The following ELAVL4 variants were observed in gnomAD, a reference collection of about 807,000 sequenced individuals.
ELAVL4 encodes ELAV like RNA binding protein 4, also known as ELAV-like protein 4.
ELAVL4 carries 1 observed loss-of-function variant against 35.6 expected under a neutral mutation model. The ratio of observed to expected loss-of-function variants is 0.03; its 90% confidence interval spans 0.01 to 0.13. The LOEUF (loss-of-function observed/expected upper bound fraction) is 0.13. ELAVL4 is among the 10% of genes least tolerant of loss of function. The pLI, the probability that ELAVL4 is intolerant of heterozygous loss-of-function variation, is 1.00. For synonymous variants in ELAVL4, 156 were observed against 171.0 expected, an observed-to-expected ratio of 0.91 and a Z score of 0.69; for missense variants, 267 against 464.9, an observed-to-expected ratio of 0.57 and a Z score of 3.91.
At chr1:50,124,742 C>A (rs576724355) in intron 1 of ELAVL4, among the ~76,000 whole-genome samples, 1 of 152,224 alleles carries the variant, frequency 6.6e-6, no homozygotes, top group African/African-American at 2.4e-5. Context: ...TTGATCAAGA[C>A]TACCTGGATT....
chr1:50,117,604 C>T lies in ELAVL4; in HGVS notation c.9+8406C>T, dbSNP rs151109420. On this transcript the variant is annotated intron_variant, in intron 1 of 6. Transcript: ENST00000371824. Reference sequence around the variant, plus strand: ...TAAATGGTGATGACAATATCTAACTCACAGGGTTTCTGCAAGAATCAGATG... The same window carrying T: ...TAAATGGTGATGACAATATCTAACTTACAGGGTTTCTGCAAGAATCAGATG... Among the ~76,000 whole-genome samples, 3 of 152,256 alleles carry T rather than the reference C, an allele frequency of 2.0e-5. No individual in the cohort carries two copies. In the East Asian group the frequency reaches 5.8e-4, roughly 29 times the overall value.
rs762561146 is a variant in ELAVL4 at position 50,127,045 on chromosome 1, T to TA, written c.9+17856dup. ...AGAGCAGGAAGAGTAAGAGAACGCT[T>TA]AAAAAAAAAGCATTTTAAAATAAAG... On this transcript the variant is annotated intron_variant, in intron 1 of 6. Transcript: ENST00000371824. Among the ~76,000 whole-genome samples, 772 of 150,992 alleles carry TA rather than the reference T, an allele frequency of 5.1e-3. 6 individuals are homozygous for TA. Among genetic ancestry groups the TA allele is most frequent in the Admixed American group, 0.014 (215 of 15,102 alleles).
At chr1:50,062,153 G>A (rs1430791743) in intron 1 of ELAVL4, among the ~76,000 whole-genome samples, 1 of 152,124 alleles carries the variant, frequency 6.6e-6, no homozygotes, top group Non-Finnish European at 1.5e-5. Context: ...AACTTGGCTG[G>A]ATGCTAGAAG....
chr1:50,202,690 T>C lies in ELAVL4; in HGVS notation c.*1512T>C, dbSNP rs932553291. The C allele has an allele frequency of 3.3e-5, 5 of 152,010 alleles. No homozygotes were observed. Among genetic ancestry groups the C allele is most frequent in the African/African-American group, 1.2e-4 (5 of 41,444 alleles). The allele number at this position is 152,010 out of a possible 1,614,324, so 9.4% of individuals were successfully genotyped here. A position where few individuals can be genotyped will look rare whatever the true frequency, so the allele number is the denominator to read the frequency against. ...CAATATAAATATATATATATAAAGT[T>C]ATTTTTTCTTTGGGTTAATTTATTA... On this transcript the variant is annotated 3_prime_UTR_variant, in exon 7 of 7. Coordinates refer to ENST00000371824, the MANE Select transcript of ELAVL4 (RefSeq NM_001144774.3).
At chr1:50,159,632 G>A (rs1371602427) in intron 2 of ELAVL4, among the ~76,000 whole-genome samples, 1 of 151,866 alleles carries the variant, frequency 6.6e-6, no homozygotes, top group Non-Finnish European at 1.5e-5. Flanking sequence ...AAAATGGGGG[G>A]CTCTTTTTAT....
At chr1:50,091,810 G>A (rs1283022296) in intron 1 of ELAVL4, among the ~76,000 whole-genome samples, 1 of 152,220 alleles carries the variant, frequency 6.6e-6, no homozygotes, top group African/African-American at 2.4e-5. Context: ...AGCCATTGTA[G>A]TGTGAGGTAG....
rs114429849 is a variant in ELAVL4, at chr1:50,157,652, A to G, written c.250+12455A>G. ...ATGATTTTTCCTCCATGCATTGGGA[A>G]AATTGGTTAGCAGAGTTCATAAGAA... is the stretch of plus-strand genomic sequence containing the variant. On this transcript the variant is annotated intron_variant, in intron 2 of 6. Transcript: ENST00000371824. Among the ~76,000 whole-genome samples, 895 of 152,332 alleles carry G rather than the reference A, an allele frequency of 5.9e-3. 8 individuals carry two copies. The highest frequency in any genetic ancestry group is 0.02 in the Middle Eastern group (6 of 294).
chr1:50,118,451 C>G (rs1668323514), intron 1 of ELAVL4, among the ~76,000 whole-genome samples: 2 of 151,264 alleles, frequency 1.3e-5, no homozygotes, highest in South Asian at 4.2e-4. Context: ...TGCAGGATGT[C>G]AGCAGAATGC....
At chr1:50,133,406 T>C (rs1671192516) in intron 1 of ELAVL4, among the ~76,000 whole-genome samples, 4 of 152,074 alleles carry the variant, frequency 2.6e-5, no homozygotes, top group Admixed American at 6.6e-5. Flanking sequence ...CTCACCAACA[T>C]TGATTTGGTG....
At position 50,203,653 on chromosome 1, in the gene ELAVL4, T is replaced by G. The variant is rs965378084; in HGVS notation, c.*2475T>G. ...TTAATGAATGACTTCATGTTAATCT[T>G]GCTAGTTTAGATGATTTCCAAGGGA... is the stretch of plus-strand genomic sequence containing the variant. On this transcript the variant is annotated 3_prime_UTR_variant, in exon 7 of 7. Transcript: ENST00000371824. 6.6e-6 allele frequency: 1 copy of G among 152,208 alleles called. No individual in the cohort carries two copies. Among genetic ancestry groups the G allele is most frequent in the Non-Finnish European group, 1.5e-5 (1 of 68,024 alleles). 9.4% of individuals were successfully genotyped at this position (152,208 alleles called of 1,614,324 possible).
intron 1 of ELAVL4, among the ~76,000 whole-genome samples, chr1:50,141,036 G>T (rs1052912520): frequency 6.6e-6 from 1 of 152,158 alleles, no homozygotes; most frequent in African/African-American, 2.4e-5. Flanking sequence ...CTGATGCGGG[G>T]ACTGAAATTA....
At chr1:50,168,207 C>T (rs1162656635) in intron 2 of ELAVL4, among the ~76,000 whole-genome samples, 1 of 152,136 alleles carries the variant, frequency 6.6e-6, no homozygotes, top group African/African-American at 2.4e-5. Context: ...CCCATGAGGC[C>T]ATTGGCGCAA....
chr1:50,115,678 T>C (rs1362119232), intron 1 of ELAVL4, among the ~76,000 whole-genome samples: 2 of 152,186 alleles, frequency 1.3e-5, no homozygotes, highest in Non-Finnish European at 2.9e-5. Context: ...TTCCTCTGTT[T>C]GCACTTCGTA....
intron 1 of ELAVL4, among the ~76,000 whole-genome samples, chr1:50,048,432 C>T (rs1043432379): frequency 1.2e-4 from 18 of 152,272 alleles, no homozygotes; most frequent in African/African-American, 4.3e-4. Flanking sequence ...CACACCCCTG[C>T]CGGCCTCCTG....
At chr1:50,091,540 T>C (rs1665494407) in intron 1 of ELAVL4, among the ~76,000 whole-genome samples, 1 of 152,004 alleles carries the variant, frequency 6.6e-6, no homozygotes, top group Admixed American at 6.6e-5. Flanking sequence ...CAAATCCTCT[T>C]CCTCACGTCT....
intron 1 of ELAVL4, among the ~76,000 whole-genome samples, chr1:50,127,449 A>T (rs1670131461): frequency 6.6e-6 from 1 of 152,098 alleles, no homozygotes. Context: ...GGTAATTTAG[A>T]TGGTGATGGC....
At chr1:50,143,341 C>T (rs1317039336) in intron 1 of ELAVL4, among the ~76,000 whole-genome samples, 2 of 152,200 alleles carry the variant, frequency 1.3e-5, no homozygotes, top group Non-Finnish European at 2.9e-5. Flanking sequence ...TATCAGATGT[C>T]TGCTATGCCT....
At chr1:50,190,884 C>G (rs934839357) in intron 3 of ELAVL4, among the ~76,000 whole-genome samples, 1 of 152,170 alleles carries the variant, frequency 6.6e-6, no homozygotes, top group Admixed American at 6.5e-5. Context: ...CATTTGTCCT[C>G]GTGACAGAGG....
intron 2 of ELAVL4, among the ~76,000 whole-genome samples, chr1:50,159,039 CAAA>C (rs57361277): frequency 8.0e-5 from 6 of 74,866 alleles, no homozygotes; most frequent in African/African-American, 1.9e-4. Flanking sequence ...GACTCCTTCT[CAAA>C]AAAAAAAAAA....
Sources: allele counts gnomAD v4.1 joint callset (sites outside exome capture counted in the v4.1 genomes callset), GRCh38; gene constraint gnomAD v4.1.1; transcripts MANE v1.5; gene names NCBI Gene and HGNC (gene_info 2026-07-23, HGNC 2026-07-21).